The following WDR31 variants were observed in gnomAD, a reference collection of about 807,000 sequenced individuals.
The protein encoded by WDR31 is WD repeat domain 31.
A neutral mutation model predicts 47.3 loss-of-function variants in WDR31; 30 were observed. That is an observed-to-expected ratio of 0.63 (90% confidence interval 0.47 to 0.86). WDR31 has a LOEUF of 0.86. Ranked by LOEUF, WDR31 falls within the 40% of genes least tolerant of loss-of-function variation. The pLI is 0.00. For synonymous variants in WDR31, 137 were observed against 159.4 expected (o/e 0.86, Z 1.06); for missense variants, 406 against 442.9 (o/e 0.92, Z 0.75).
At chr9:113,330,242 A>G (rs12352852) in intron 4 of WDR31, among the ~76,000 whole-genome samples, 3,359 of 152,066 alleles carry the variant, frequency 0.022, 127 homozygotes, top group African/African-American at 0.076. Context: ...CTGGGATTAC[A>G]GGCAAGCGCC....
intron 2 of WDR31, among the ~76,000 whole-genome samples, chr9:113,334,562 G>A (rs556009101): frequency 1.7e-4 from 25 of 150,906 alleles, no homozygotes; most frequent in African/African-American, 5.8e-4. Flanking sequence ...TTTTTGAGAC[G>A]GAGTTTCACT....
In WDR31 at chr9:113,313,545, T is replaced by C. The variant is rs1282039083; in HGVS notation, c.*3204A>G. On this transcript the variant is annotated 3_prime_UTR_variant, in exon 11 of 11. Coordinates refer to ENST00000374193, the MANE Select transcript of WDR31 (RefSeq NM_001012361.4). The stretch of plus-strand genomic sequence containing the variant: ...AAGATACAAACAATGTCATGGTCTA[T>C]GACTTTGTGACACGATGCAAAGGAA... 1.3e-5 allele frequency: 2 copies of C among 152,236 alleles called. No individual in the cohort carries two copies. The highest frequency in any genetic ancestry group is 4.8e-5 in the African/African-American group (2 of 41,468). The allele number at this position is 152,236 out of a possible 1,614,324, so 9.4% of individuals were successfully genotyped here. A position where few individuals can be genotyped will look rare whatever the true frequency, so the allele number is the denominator to read the frequency against.
chr9:113,339,860 C>T (rs939089099), intron 1 of WDR31, among the ~76,000 whole-genome samples: 1 of 152,200 alleles, frequency 6.6e-6, no homozygotes, highest in South Asian at 2.1e-4. Flanking sequence ...CCTGCTTCAG[C>T]TTCCCAAGTA....
chr9:113,323,526 T>G (rs1009204406), intron 5 of WDR31, among the ~76,000 whole-genome samples: 24 of 152,158 alleles, frequency 1.6e-4, no homozygotes, highest in African/African-American at 5.8e-4. Context: ...CCTCCCAAAG[T>G]ACTGGGATTA....
At chr9:113,336,958 C>G (rs1304570434) in intron 1 of WDR31, among the ~76,000 whole-genome samples, 2 of 152,260 alleles carry the variant, frequency 1.3e-5, no homozygotes, top group East Asian at 1.9e-4. Context: ...GACTTCTAGT[C>G]CAGAATTTCC....
intron 2 of WDR31, among the ~76,000 whole-genome samples, chr9:113,333,228 T>G (rs1346631693): frequency 6.7e-6 from 1 of 149,682 alleles, no homozygotes; most frequent in African/African-American, 2.4e-5. Context: ...ATCATAAATT[T>G]TATGTTATGT....
chr9:113,325,620 T>A (rs1358927269), intron 5 of WDR31, among the ~76,000 whole-genome samples: 1 of 151,940 alleles, frequency 6.6e-6, no homozygotes, highest in Non-Finnish European at 1.5e-5. Context: ...GAAAATTTTT[T>A]TTTTCTTTAA....
At chr9:113,335,955 C>G (rs111693881) in intron 2 of WDR31, among the ~76,000 whole-genome samples, 2 of 152,182 alleles carry the variant, frequency 1.3e-5, no homozygotes, top group Non-Finnish European at 2.9e-5. Context: ...ATCTAAGGTC[C>G]CTTCCACTTC....
intron 6 of WDR31, 44 bp from the exon 7 acceptor site, chr9:113,322,955 G>A: frequency 6.2e-7 from 1 of 1,613,922 alleles, no homozygotes; most frequent in South Asian, 1.1e-5. Context: ...GTGGGGACCT[G>A]AACGGGGCTT....
intron 2 of WDR31, among the ~76,000 whole-genome samples, chr9:113,333,147 G>C (rs1833635955): frequency 6.6e-6 from 1 of 152,028 alleles, no homozygotes; most frequent in Non-Finnish European, 1.5e-5. Flanking sequence ...CTTTTGGAGT[G>C]ATGAAAATGT....
chr9:113,331,509 C>T (rs1046749126), intron 3 of WDR31, among the ~76,000 whole-genome samples: 1 of 152,178 alleles, frequency 6.6e-6, no homozygotes, highest in African/African-American at 2.4e-5. Context: ...AGTGCAGTGG[C>T]ACACATGGCT....
At chr9:113,327,979 C>T (rs1442234336) in intron 5 of WDR31, among the ~76,000 whole-genome samples, 1 of 151,414 alleles carries the variant, frequency 6.6e-6, no homozygotes, top group African/African-American at 2.4e-5. Context: ...GATCCTCCTG[C>T]CTCAGCCTCC....
chr9:113,332,897 A>T (rs549775669), intron 2 of WDR31, among the ~76,000 whole-genome samples: 6 of 152,196 alleles, frequency 3.9e-5, no homozygotes, highest in Admixed American at 1.3e-4. Flanking sequence ...GAATTGTTTT[A>T]AAAAAGCCTG....
chr9:113,333,789 G>A (rs1162565463), intron 2 of WDR31, among the ~76,000 whole-genome samples: 1 of 152,058 alleles, frequency 6.6e-6, no homozygotes, highest in Non-Finnish European at 1.5e-5. Flanking sequence ...AGACAATGTA[G>A]GTAATGACCT....
rs1284480550 is a variant in WDR31 at position 113,331,116 on chromosome 9, G to C, written c.117C>G (p.Gly39=). ...SKLKHSTYKY[G]RPDEIIEERI... is the part of the protein sequence containing the mutation. ...TCTCTTCTATAATTTCATCAGGCCTGCTAAAAAGAGTATAGAAAATGAGAG... is the reference window on the plus strand; with the variant it reads ...TCTCTTCTATAATTTCATCAGGCCTCCTAAAAAGAGTATAGAAAATGAGAG... The change falls in exon 4 of 11, where the codon GGC becomes GGG. Residue 39 remains glycine (G), a splice_region_variant and synonymous_variant. Transcript: ENST00000374193. 7.6e-7 allele frequency: 1 copy of C among 1,314,442 alleles called. No homozygotes were observed. Among genetic ancestry groups the C allele is most frequent in the African/African-American group, 1.6e-5 (1 of 62,616 alleles). 81.4% of individuals were successfully genotyped at this position (1,314,442 alleles called of 1,614,324 possible). A position where few individuals can be genotyped will look rare whatever the true frequency, so the allele number is the denominator to read the frequency against.
At position 113,331,131 on chromosome 9, in the gene WDR31, G is replaced by A. The variant is rs777345929; in HGVS notation, c.117-15C>T. On this transcript the variant is annotated splice_polypyrimidine_tract_variant and intron_variant, in intron 3 of 10. Coordinates refer to ENST00000374193, the MANE Select transcript of WDR31 (RefSeq NM_001012361.4). ...CATCAGGCCTGCTAAAAAGAGTATA[G>A]AAAATGAGAGACCCAATGGCATGGG... 1.5e-5 allele frequency: 18 copies of A among 1,171,402 alleles called. No homozygotes were observed. The East Asian group carries it at 8.9e-4, about 58-fold the overall frequency. The allele number at this position is 1,171,402 out of a possible 1,614,324, so 72.6% of individuals were successfully genotyped here.
intron 5 of WDR31, 135 bp downstream of exon 5, chr9:113,328,746 T>C (rs1318196921): frequency 2.7e-6 from 2 of 727,314 alleles, no homozygotes; most frequent in African/African-American, 1.8e-5. Flanking sequence ...TCTCCTGAAG[T>C]AGGATTTCAC....
chr9:113,340,210 T>C lies in WDR31; in HGVS notation c.-182+7A>G, dbSNP rs1833802612. On this transcript the variant is annotated splice_region_variant and intron_variant, in intron 1 of 10. Coordinates refer to ENST00000374193, the MANE Select transcript of WDR31 (RefSeq NM_001012361.4). ...CCCCTTTCTCCCACCTCAGGCTCAGTACCCACCGGTGGGCTGCGGGGCTGG... is the reference window on the plus strand; with the variant it reads ...CCCCTTTCTCCCACCTCAGGCTCAGCACCCACCGGTGGGCTGCGGGGCTGG... The C allele has an allele frequency of 6.6e-6, 1 of 152,256 alleles. No homozygotes were observed. The highest frequency in any genetic ancestry group is 2.1e-4 in the South Asian group (1 of 4,832). 9.4% of individuals were successfully genotyped at this position (152,256 alleles called of 1,614,324 possible).
At chr9:113,330,655 CT>C (rs1277921691) in intron 4 of WDR31, among the ~76,000 whole-genome samples, 11 of 152,336 alleles carry the variant, frequency 7.2e-5, no homozygotes, top group African/African-American at 2.6e-4. Flanking sequence ...TAAGTATAAT[CT>C]TTGCCATTTA....
Sources: gnomAD v4.1 joint callset for allele counts (sites outside exome capture counted in the v4.1 genomes callset) on GRCh38, gnomAD v4.1.1 for gene constraint, MANE v1.5 for transcripts, NCBI Gene and HGNC (gene_info 2026-07-23, HGNC 2026-07-21) for gene names.